The following CNTNAP2 variants were observed in gnomAD, a reference collection of about 807,000 sequenced individuals.
CNTNAP2 encodes contactin-associated protein-like 2.
In CNTNAP2, 98 loss-of-function variants were observed where a neutral mutation model predicts 155.2. The ratio of observed to expected loss-of-function variants is 0.63; its 90% CI spans 0.54 to 0.75. The LOEUF (loss-of-function observed/expected upper bound fraction) is 0.75, where lower values mean the gene tolerates loss of function less well. CNTNAP2 is among the 30% of genes least tolerant of loss of function. CNTNAP2 has a pLI of 0.00. For missense variants in CNTNAP2, 1,727 were observed against 1,688.1 expected (o/e 1.02, Z -0.40); for synonymous variants, 651 against 631.2 (o/e 1.03, Z -0.47).
intron 13 of CNTNAP2, among the ~76,000 whole-genome samples, chr7:147,674,071 G>A (rs1263713057): frequency 7.2e-5 from 11 of 152,008 alleles, no homozygotes; most frequent in Admixed American, 5.9e-4. Context: ...AGCTATGACC[G>A]TGACGATTTA....
At chr7:147,900,112 T>G (rs541319912) in intron 13 of CNTNAP2, among the ~76,000 whole-genome samples, 1 of 152,166 alleles carries the variant, frequency 6.6e-6, no homozygotes, top group African/African-American at 2.4e-5. Flanking sequence ...AATCTGATGG[T>G]GCTGGCCCCT....
chr7:147,878,857 T>G (rs1163309149), intron 13 of CNTNAP2, among the ~76,000 whole-genome samples: 2 of 152,188 alleles, frequency 1.3e-5, no homozygotes, highest in African/African-American at 4.8e-5. Flanking sequence ...TTTCAATGTT[T>G]TATTTAGTAT....
rs144231009 is a variant in CNTNAP2 at position 147,112,719 on chromosome 7, C to G, written c.754+4369C>G. Among the ~76,000 whole-genome samples, 178 of 152,210 alleles carry G rather than the reference C, an allele frequency of 1.2e-3. 1 individual carries two copies. The highest frequency in any genetic ancestry group is 3.9e-3 in the African/African-American group (162 of 41,516). ...CCAACCCTACATCTCAGGGATGAGG[C>G]CTACATGATTACAGTGAATACCCAT... On this transcript the variant is annotated intron_variant, in intron 5 of 23. Transcript: ENST00000361727.
At chr7:147,240,854 C>A (rs1327677537) in intron 8 of CNTNAP2, among the ~76,000 whole-genome samples, 2 of 152,106 alleles carry the variant, frequency 1.3e-5, no homozygotes, top group Non-Finnish European at 2.9e-5. Flanking sequence ...ATTATGACTC[C>A]TTTCATTTAA....
At chr7:147,332,588 G>A (rs1269433138) in intron 9 of CNTNAP2, among the ~76,000 whole-genome samples, 1 of 152,092 alleles carries the variant, frequency 6.6e-6, no homozygotes, top group African/African-American at 2.4e-5. Context: ...ATCAGGTCGA[G>A]CATGGTGGCT....
chr7:146,960,954 T>G (rs1797546481), intron 3 of CNTNAP2, among the ~76,000 whole-genome samples: 1 of 152,190 alleles, frequency 6.6e-6, no homozygotes, highest in African/African-American at 2.4e-5. Flanking sequence ...TTGCTACTCC[T>G]TTTGAATTCT....
intron 18 of CNTNAP2, among the ~76,000 whole-genome samples, chr7:148,215,575 T>A (rs148689199): frequency 6.1e-4 from 92 of 151,938 alleles, no homozygotes; most frequent in African/African-American, 1.9e-3. Flanking sequence ...CACACATGTG[T>A]GTGGTGATGT....
intron 13 of CNTNAP2, among the ~76,000 whole-genome samples, chr7:147,643,909 A>G (rs1313361659): frequency 6.6e-6 from 1 of 152,180 alleles, no homozygotes; most frequent in East Asian, 1.9e-4. Context: ...CATTATTAGT[A>G]TCTTCCAATT....
intron 1 of CNTNAP2, among the ~76,000 whole-genome samples, chr7:146,230,692 C>T (rs1799368868): frequency 6.6e-6 from 1 of 152,174 alleles, no homozygotes; most frequent in African/African-American, 2.4e-5. Flanking sequence ...CATTTCCCAT[C>T]TGGCAATGTA....
chr7:146,662,244 T>C (rs2129166204), intron 1 of CNTNAP2, among the ~76,000 whole-genome samples: 1 of 152,222 alleles, frequency 6.6e-6, no homozygotes, highest in South Asian at 2.1e-4. Context: ...TTCAAGCGAT[T>C]CTCTTGCCTT....
chr7:146,617,003 A>T (rs1799236264), intron 1 of CNTNAP2, among the ~76,000 whole-genome samples: 1 of 131,990 alleles, frequency 7.6e-6, no homozygotes, highest in Non-Finnish European at 1.6e-5. Flanking sequence ...TGTGTATTCC[A>T]GGAAACCTGG....
At chr7:146,702,850 A>G (rs1800900231) in intron 1 of CNTNAP2, among the ~76,000 whole-genome samples, 1 of 152,162 alleles carries the variant, frequency 6.6e-6, no homozygotes, top group Non-Finnish European at 1.5e-5. Flanking sequence ...AAGATCATAT[A>G]TAAACAATAC....
intron 11 of CNTNAP2, among the ~76,000 whole-genome samples, chr7:147,513,924 A>G (rs1032677251): frequency 6.6e-6 from 1 of 152,180 alleles, no homozygotes; most frequent in African/African-American, 2.4e-5. Context: ...CACACCTGAA[A>G]TCACACACCC....
intron 10 of CNTNAP2, among the ~76,000 whole-genome samples, chr7:147,418,135 A>G (rs1237421123): frequency 6.6e-6 from 1 of 152,210 alleles, no homozygotes; most frequent in East Asian, 1.9e-4. Flanking sequence ...TATGGTACTT[A>G]CTTATTTTCT....
intron 3 of CNTNAP2, among the ~76,000 whole-genome samples, chr7:146,961,606 G>A (rs961566934): frequency 1.3e-5 from 2 of 151,942 alleles, no homozygotes; most frequent in Non-Finnish European, 1.5e-5. Context: ...TCATATATTG[G>A]TGACTCCTGT....
At chr7:147,207,344 A>G (rs1166687165) in intron 8 of CNTNAP2, among the ~76,000 whole-genome samples, 1 of 152,178 alleles carries the variant, frequency 6.6e-6, no homozygotes, top group African/African-American at 2.4e-5. Context: ...ATTTGATGAG[A>G]TTGTATGCAG....
intron 17 of CNTNAP2, among the ~76,000 whole-genome samples, chr7:148,152,404 T>A (rs1805313098): frequency 6.6e-6 from 1 of 152,000 alleles, no homozygotes; most frequent in Non-Finnish European, 1.5e-5. Flanking sequence ...ACTGGTTGAG[T>A]TCTGCGTCCC....
intron 1 of CNTNAP2, among the ~76,000 whole-genome samples, chr7:146,569,237 C>T (rs924509711): frequency 2.0e-5 from 3 of 152,048 alleles, no homozygotes; most frequent in African/African-American, 4.8e-5. Flanking sequence ...AGGATGGTCT[C>T]GATCTCCTCC....
chr7:147,488,237 C>T (rs553839073), intron 11 of CNTNAP2, among the ~76,000 whole-genome samples: 8 of 152,242 alleles, frequency 5.3e-5, no homozygotes, highest in African/African-American at 1.7e-4. Context: ...TACATTTTTG[C>T]GAAATCAATG....
Sources: gnomAD v4.1 joint callset for allele counts (sites outside exome capture counted in the v4.1 genomes callset) on GRCh38, gnomAD v4.1.1 for gene constraint, MANE v1.5 for transcripts, NCBI Gene and HGNC (gene_info 2026-07-23, HGNC 2026-07-21) for gene names.